The following STARD13 variants were observed in gnomAD, a reference collection of about 807,000 sequenced individuals.
STARD13 encodes StAR related lipid transfer domain containing 13.
STARD13 carries 62 observed loss-of-function variants against 106.4 expected under a neutral mutation model. The ratio of observed to expected loss-of-function variants is 0.58; its 90% CI spans 0.48 to 0.72. STARD13 has a LOEUF of 0.72. Ranked by LOEUF, STARD13 falls within the 30% of genes least tolerant of loss-of-function variation. The pLI is 0.00. For missense variants in STARD13, 1,387 were observed against 1,424.0 expected (o/e 0.97, Z 0.42); for synonymous variants, 565 against 553.0 (o/e 1.02, Z -0.31).
At chr13:33,161,806 A>G (rs980168374) in intron 3 of STARD13, among the ~76,000 whole-genome samples, 1 of 152,208 alleles carries the variant, frequency 6.6e-6, no homozygotes, top group Non-Finnish European at 1.5e-5. Flanking sequence ...CCAGTTCCAC[A>G]TGTGTGGGAA....
At chr13:33,526,571 A>T in the STARD13 span, among the ~76,000 whole-genome samples, 2 of 152,070 alleles carry the variant, frequency 1.3e-5, no homozygotes, top group Admixed American at 6.6e-5. Context: ...GTAGTTAGGA[A>T]TGCCAGCTGT....
the STARD13 span, among the ~76,000 whole-genome samples, chr13:33,379,605 AAT>A: frequency 6.6e-6 from 1 of 152,266 alleles, no homozygotes. Flanking sequence ...AATTAAAATA[AAT>A]AGATAATACT....
chr13:33,150,333 C>T (rs1292544319), intron 3 of STARD13, among the ~76,000 whole-genome samples: 1 of 152,184 alleles, frequency 6.6e-6, no homozygotes, highest in African/African-American at 2.4e-5. Flanking sequence ...AGAGCCAATC[C>T]ATTCAGATAA....
the STARD13 span, among the ~76,000 whole-genome samples, chr13:33,633,542 C>CT: frequency 6.6e-6 from 1 of 152,186 alleles, no homozygotes; most frequent in African/African-American, 2.4e-5. Flanking sequence ...CTGCAGCTTC[C>CT]TTTTTTGTGT....
At position 33,106,911 on chromosome 13, in the gene STARD13, T is replaced by C. The variant is rs1873804865; in HGVS notation, c.3071A>G (p.Lys1024Arg). Residue 1024 changes from lysine (K) to arginine (R), a missense_variant, in exon 13 of 14, where the codon AAA becomes AGA. By Grantham distance (26) the Lys-to-Arg change is conservative. Coordinates refer to ENST00000336934, the MANE Select transcript of STARD13 (RefSeq NM_178006.4). ...GAGGGACACCAGGGTACACATTCCT[T>C]TGGGCAAATCAGTTTTCCAGGTCCT... ...VLRTWKTDLP[K>R]GMCTLVSLSV... 1 of 1,613,370 alleles carries C rather than the reference T, an allele frequency of 6.2e-7. No individual in the cohort carries two copies. The highest frequency in any genetic ancestry group is 1.7e-5 in the Admixed American group (1 of 59,926).
At chr13:33,608,887 C>T in the STARD13 span, among the ~76,000 whole-genome samples, 1 of 151,836 alleles carries the variant, frequency 6.6e-6, no homozygotes. Flanking sequence ...GAGATCTAGA[C>T]CATCCTGGCT....
chr13:33,527,817 T>C, the STARD13 span, among the ~76,000 whole-genome samples: 4 of 151,772 alleles, frequency 2.6e-5, no homozygotes, highest in African/African-American at 9.7e-5. Flanking sequence ...AGAATCTTAC[T>C]CAGATGATTT....
chr13:33,598,882 C>T, the STARD13 span, among the ~76,000 whole-genome samples: 5,535 of 152,268 alleles, frequency 0.036, 261 homozygotes, highest in African/African-American at 0.099. Flanking sequence ...GCCAAGAAGA[C>T]AGTAGGCTCT....
chr13:33,396,169 A>T, the STARD13 span, among the ~76,000 whole-genome samples: 2 of 151,476 alleles, frequency 1.3e-5, no homozygotes, highest in African/African-American at 4.9e-5. Flanking sequence ...TAGTTTTAAA[A>T]TTTTTTTGTA....
the STARD13 span, among the ~76,000 whole-genome samples, chr13:33,667,354 G>A: frequency 6.6e-6 from 1 of 152,144 alleles, no homozygotes; most frequent in Non-Finnish European, 1.5e-5. Context: ...ATCTCTTTGT[G>A]GGAATAGAAT....
chr13:33,332,738 C>A (rs1400124153), intron 1 of STARD13, among the ~76,000 whole-genome samples: 1 of 152,132 alleles, frequency 6.6e-6, no homozygotes, highest in Non-Finnish European at 1.5e-5. Context: ...AGCTTCTCTA[C>A]ATTTTTTGTT....
At chr13:33,601,143 A>G in the STARD13 span, among the ~76,000 whole-genome samples, 7 of 151,980 alleles carry the variant, frequency 4.6e-5, no homozygotes, top group African/African-American at 1.7e-4. Flanking sequence ...GATCATTTCT[A>G]TTGTTGCATC....
At chr13:33,327,231 A>G (rs1235059277) in intron 1 of STARD13, among the ~76,000 whole-genome samples, 1 of 152,222 alleles carries the variant, frequency 6.6e-6, no homozygotes, top group Non-Finnish European at 1.5e-5. Flanking sequence ...TTCTGTCTCC[A>G]TTAAATAAGT....
chr13:33,158,720 T>A (rs1312751804), intron 3 of STARD13: 1 of 152,158 alleles, frequency 6.6e-6, no homozygotes, highest in Non-Finnish European at 1.5e-5. Flanking sequence ...TAACCACTCA[T>A]CAATCTCAAA....
chr13:33,401,207 T>A, the STARD13 span, among the ~76,000 whole-genome samples: 1 of 152,222 alleles, frequency 6.6e-6, no homozygotes, highest in Non-Finnish European at 1.5e-5. Context: ...GATCTCAGAT[T>A]TGTTTAGTTT....
chr13:33,161,652 T>C (rs977169877), intron 3 of STARD13, among the ~76,000 whole-genome samples: 3 of 152,156 alleles, frequency 2.0e-5, no homozygotes, highest in African/African-American at 7.2e-5. Flanking sequence ...TTATAACAAC[T>C]TGGAGGCATT....
At chr13:33,224,597 G>A (rs1357949574) in intron 1 of STARD13, among the ~76,000 whole-genome samples, 1 of 152,216 alleles carries the variant, frequency 6.6e-6, no homozygotes, top group African/African-American at 2.4e-5. Flanking sequence ...TGTGATTCAT[G>A]TAACTTCTAC....
At chr13:33,394,552 A>G in the STARD13 span, among the ~76,000 whole-genome samples, 1 of 152,164 alleles carries the variant, frequency 6.6e-6, no homozygotes, top group East Asian at 1.9e-4. Context: ...GGACAGTCAC[A>G]TTATCTATGT....
the STARD13 span, among the ~76,000 whole-genome samples, chr13:33,362,883 C>G: frequency 2.0e-5 from 3 of 152,212 alleles, no homozygotes; most frequent in Admixed American, 2.0e-4. Flanking sequence ...TTCCCAGCAC[C>G]TAGAGCAGTG....
Sources: gnomAD v4.1 joint callset for allele counts (sites outside exome capture counted in the v4.1 genomes callset) on GRCh38, gnomAD v4.1.1 for gene constraint, MANE v1.5 for transcripts, NCBI Gene and HGNC (gene_info 2026-07-23, HGNC 2026-07-21) for gene names.